The following NTM variants were observed in gnomAD, a reference collection of about 807,000 sequenced individuals.
NTM encodes the protein IgLON family member 2.
Under a neutral mutation model 42.1 loss-of-function variants are expected in NTM, and 13 were observed. The observed-to-expected ratio is 0.31, with a 90% CI of 0.20 to 0.49. The LOEUF is 0.49. NTM is among the 20% of genes least tolerant of loss of function. The probability of loss-of-function intolerance (pLI) is 0.99; values close to 1 mark genes in which losing one functional copy is unlikely to be tolerated. For missense variants in NTM, 373 were observed against 452.8 expected (o/e 0.82, Z 1.60); for synonymous variants, 187 against 179.2 (o/e 1.04, Z -0.35).
intron 1 of NTM, among the ~76,000 whole-genome samples, chr11:131,909,366 C>T (rs2054343220): frequency 6.6e-6 from 1 of 152,134 alleles, no homozygotes; most frequent in Non-Finnish European, 1.5e-5. Flanking sequence ...TGTACCGAAG[C>T]CCTTATGGTT....
At chr11:132,096,163 CT>C (rs1416570460) in intron 2 of NTM, among the ~76,000 whole-genome samples, 3 of 152,250 alleles carry the variant, frequency 2.0e-5, no homozygotes, top group South Asian at 4.2e-4. Flanking sequence ...ACTTTTTAGT[CT>C]TTTTTCCCCC....
Position 132,146,655 on chromosome 11 carries a change from A to G in NTM, c.400+141A>G. ...GGTCCAGGGCACATTTCTGGTTGTC[A>G]TTTTGCAGTTAGAAGCTAAATTTTC... On this transcript the variant is annotated intron_variant, in intron 3 of 8. Coordinates refer to ENST00000683400, the MANE Select transcript of NTM (RefSeq NM_001352005.2). The surrounding 1 kb of genome is among the most constrained non-coding windows in gnomAD (Gnocchi z 4.5). 6 of 822,100 alleles carry G rather than the reference A, an allele frequency of 7.3e-6. No individual in the cohort carries two copies. The highest frequency in any genetic ancestry group is 9.0e-6 in the Non-Finnish European group (5 of 558,484). 50.9% of individuals were successfully genotyped at this position (822,100 alleles called of 1,614,324 possible).
intron 1 of NTM, among the ~76,000 whole-genome samples, chr11:131,722,415 G>A (rs1225009420): frequency 1.3e-5 from 2 of 152,164 alleles, no homozygotes; most frequent in South Asian, 2.1e-4. Context: ...GCTTTCATAT[G>A]AACTCGTAAC....
chr11:132,137,261 C>G (rs988091019), intron 2 of NTM, among the ~76,000 whole-genome samples: 4 of 152,118 alleles, frequency 2.6e-5, no homozygotes, highest in Non-Finnish European at 5.9e-5. Context: ...GGACTGGAGA[C>G]AAAGCAAAGA....
intron 1 of NTM, among the ~76,000 whole-genome samples, chr11:131,376,989 G>T (rs567390190): frequency 6.6e-6 from 1 of 152,314 alleles, no homozygotes; most frequent in Admixed American, 6.5e-5. Flanking sequence ...GGGTCTCTCA[G>T]ATTTGGTTTG....
chr11:132,217,560 G>A (rs1487356650), intron 4 of NTM, among the ~76,000 whole-genome samples: 1 of 152,062 alleles, frequency 6.6e-6, no homozygotes, highest in Non-Finnish European at 1.5e-5. Context: ...TTAGAGCAGA[G>A]CCTTCTGTCT....
At chr11:131,885,411 C>G (rs937870745) in intron 1 of NTM, among the ~76,000 whole-genome samples, 1 of 152,196 alleles carries the variant, frequency 6.6e-6, no homozygotes, top group East Asian at 1.9e-4. Context: ...GGAGAGCCAG[C>G]TGACACATAA....
chr11:132,317,294 G>C (rs965773326), intron 7 of NTM, among the ~76,000 whole-genome samples: 1 of 151,650 alleles, frequency 6.6e-6, no homozygotes, highest in Non-Finnish European at 1.5e-5. Context: ...GAAACGATGG[G>C]GGTGGGGAAG....
At chr11:131,795,053 A>G (rs1233536878) in intron 1 of NTM, 12 of 842,300 alleles carry the variant, frequency 1.4e-5, no homozygotes, top group Non-Finnish European at 1.7e-5. Flanking sequence ...GGGGAAAAAA[A>G]CAGCACTAGT....
At chr11:132,286,838 A>G (rs902248506) in intron 4 of NTM, among the ~76,000 whole-genome samples, 1 of 152,172 alleles carries the variant, frequency 6.6e-6, no homozygotes, top group African/African-American at 2.4e-5. Flanking sequence ...CAGACTTAGG[A>G]AGCTCCGCCA....
chr11:132,328,972 T>C (rs553633294), intron 7 of NTM, among the ~76,000 whole-genome samples: 1 of 152,286 alleles, frequency 6.6e-6, no homozygotes, highest in East Asian at 1.9e-4. Context: ...CTTTTGATCG[T>C]CGATAAACCC....
intron 4 of NTM, among the ~76,000 whole-genome samples, chr11:132,299,150 C>G (rs111371999): frequency 0.017 from 2,556 of 151,926 alleles, 63 homozygotes; most frequent in African/African-American, 0.058. Flanking sequence ...AAAAAATTAG[C>G]TGGGCGTGGT....
chr11:131,708,729 G>A (rs1468672673), intron 1 of NTM, among the ~76,000 whole-genome samples: 1 of 152,110 alleles, frequency 6.6e-6, no homozygotes, highest in Non-Finnish European at 1.5e-5. Context: ...CCTTCTATAT[G>A]TTTTTATGGG....
At chr11:131,721,379 T>A (rs2078310481) in intron 1 of NTM, among the ~76,000 whole-genome samples, 1 of 152,172 alleles carries the variant, frequency 6.6e-6, no homozygotes, top group Non-Finnish European at 1.5e-5. Context: ...ACCAAACCAT[T>A]CAGAGTCTCA....
At chr11:131,488,324 A>G (rs757719327) in intron 1 of NTM, among the ~76,000 whole-genome samples, 1 of 152,146 alleles carries the variant, frequency 6.6e-6, no homozygotes, top group Non-Finnish European at 1.5e-5. Context: ...TCTGAAACAT[A>G]CAAGCCAGCC....
At chr11:131,590,791 G>A (rs577119005) in intron 1 of NTM, among the ~76,000 whole-genome samples, 5 of 152,196 alleles carry the variant, frequency 3.3e-5, no homozygotes, top group Non-Finnish European at 5.9e-5. Flanking sequence ...TGTCCAAGCT[G>A]TACTGTATAA....
intron 1 of NTM, among the ~76,000 whole-genome samples, chr11:131,581,613 ACT>A (rs1373978486): frequency 6.6e-6 from 1 of 151,982 alleles, no homozygotes; most frequent in Non-Finnish European, 1.5e-5. Context: ...CGTTATTCTG[ACT>A]CTGGCTGACC....
At position 132,278,724 on chromosome 11, in the gene NTM, T is replaced by C. The variant is rs573249217; in HGVS notation, c.527-28965T>C. The stretch of plus-strand genomic sequence containing the variant: ...CAGTTCTCCTCCTTTGGAATGTCTT[T>C]CTTAACCTTCATTTGGGCTTCTCTC... On this transcript the variant is annotated intron_variant, in intron 4 of 8. Transcript: ENST00000683400. Among the ~76,000 whole-genome samples, 5 of 151,528 alleles carry C rather than the reference T, an allele frequency of 3.3e-5. No homozygotes were observed. In the East Asian group the frequency reaches 7.9e-4, roughly 24 times the overall value.
intron 2 of NTM, among the ~76,000 whole-genome samples, chr11:132,038,861 CT>C: frequency 6.6e-6 from 1 of 152,216 alleles, no homozygotes. Context: ...CAGCGTCTCC[CT>C]CTCCTTCAGC....
Sources: allele counts gnomAD v4.1 joint callset (sites outside exome capture counted in the v4.1 genomes callset), GRCh38; gene constraint gnomAD v4.1.1; non-coding constraint Gnocchi (gnomAD v3.1); transcripts MANE v1.5; gene names NCBI Gene and HGNC (gene_info 2026-07-23, HGNC 2026-07-21).